Variants in RAD9B observed in about 807,000 individuals in gnomAD.
RAD9B encodes the protein cell cycle checkpoint control protein RAD9B.
In RAD9B, 41 loss-of-function variants were observed where a neutral mutation model predicts 48.3. That is an observed-to-expected ratio of 0.85 (90% CI 0.66 to 1.10). The LOEUF (loss-of-function observed/expected upper bound fraction) is 1.10, where lower values mean the gene tolerates loss of function less well. Ranked by LOEUF, RAD9B falls within the 50% of genes least tolerant of loss-of-function variation. RAD9B has a pLI of 0.00. For missense variants in RAD9B, 444 were observed against 485.1 expected, an observed-to-expected ratio of 0.92 and a Z score of 0.80; for synonymous variants, 160 against 157.9, an observed-to-expected ratio of 1.01 and a Z score of -0.10.
At position 110,506,690 on chromosome 12, in the gene RAD9B, C is replaced by T. The variant is rs556695998; in HGVS notation, c.385C>T (p.His129Tyr). The change falls in exon 4 of 11, where the codon CAT becomes TAT. Residue 129 changes from histidine to tyrosine, a missense_variant. Physicochemically the swap from His to Tyr is moderately conservative, Grantham distance 83 (BLOSUM62 2). Coordinates refer to ENST00000409300, the MANE Select transcript of RAD9B (RefSeq NM_001286535.2). ...AGTAGTTATTCAATTCTTCTACAGA[C>T]ATGGTAGGTATAATTAAAAGTGGTT... is the stretch of plus-strand genomic sequence containing the variant. ...CKVVIQFFYR[H>Y]GIKRTHNICF... 2.9e-5 allele frequency: 42 copies of T among 1,426,262 alleles called. No homozygotes were observed. In the South Asian group the frequency reaches 4.9e-4, roughly 17 times the overall value. The allele number at this position is 1,426,262 out of a possible 1,614,324, so 88.4% of individuals were successfully genotyped here.
chr12:110,525,218 C>T lies in RAD9B; in HGVS notation c.1125+2807C>T, dbSNP rs186381160. ...GTTGGCCAGGATGGTCTCGATCTCCCGACCTCAGGTGATCCACTCGCCTTG... is the reference window on the plus strand; with the variant it reads ...GTTGGCCAGGATGGTCTCGATCTCCTGACCTCAGGTGATCCACTCGCCTTG... On this transcript the variant is annotated intron_variant, in intron 10 of 10. Transcript: ENST00000409300. 1.4e-3 allele frequency among the ~76,000 whole-genome samples: 208 copies of T among 151,296 alleles called. 5 individuals carry two copies. The highest frequency in any genetic ancestry group is 0.011 in the Admixed American group (163 of 15,210).
intron 10 of RAD9B, among the ~76,000 whole-genome samples, chr12:110,526,918 A>G (rs1489856458): frequency 6.6e-6 from 1 of 151,594 alleles, no homozygotes; most frequent in African/African-American, 2.4e-5. Context: ...CAAAAAAAAA[A>G]AAAAAAGAAA....
chr12:110,532,006 C>G lies in RAD9B; in HGVS notation c.*1353C>G, dbSNP rs1473001826. The G allele has an allele frequency of 5.6e-6, 1 of 177,326 alleles. No homozygotes were observed. Among genetic ancestry groups the G allele is most frequent in the Non-Finnish European group, 1.2e-5 (1 of 85,198 alleles). 11.0% of individuals were successfully genotyped at this position (177,326 alleles called of 1,614,324 possible). Reference sequence around the variant, plus strand: ...CTGTGAATAGAGTTCTAACTGAAACCAGAATTAATTTGGCTCTTGTAGCTT... The same window carrying G: ...CTGTGAATAGAGTTCTAACTGAAACGAGAATTAATTTGGCTCTTGTAGCTT... On this transcript the variant is annotated 3_prime_UTR_variant, in exon 11 of 11. Transcript: ENST00000409300.
chr12:110,502,610 A>C, intron 1 of RAD9B: 2 of 566,276 alleles, frequency 3.5e-6, no homozygotes, highest in Non-Finnish European at 6.3e-6. Context: ...GTATCCGGGA[A>C]ATAGAGTTGT....
chr12:110,503,454 C>CTTCA (rs2135634853), intron 1 of RAD9B: 1 of 203,674 alleles, frequency 4.9e-6, no homozygotes, highest in Admixed American at 5.4e-5. Flanking sequence ...CTTCTCCATG[C>CTTCA]ACTGTTTTCA....
chr12:110,507,185 C>CTTATCTTATCT (rs2063302487), intron 4 of RAD9B, among the ~76,000 whole-genome samples: 1 of 151,890 alleles, frequency 6.6e-6, no homozygotes. Flanking sequence ...TCTTACCTGT[C>CTTATCTTATCT]ACTGTAGAAG....
At chr12:110,514,207 A>T in intron 5 of RAD9B, among the ~76,000 whole-genome samples, 1 of 152,182 alleles carries the variant, frequency 6.6e-6, no homozygotes, top group East Asian at 1.9e-4. Flanking sequence ...TGACATTTTG[A>T]TAGCAAGAAA....
intron 6 of RAD9B, 128 bp from the exon 7 acceptor site, chr12:110,518,548 T>C: frequency 1.8e-6 from 1 of 558,586 alleles, no homozygotes; most frequent in Non-Finnish European, 3.2e-6. Context: ...AGATATCAGG[T>C]GGGGAAGTTA....
chr12:110,502,734 G>GTT, intron 1 of RAD9B: 9 of 181,656 alleles, frequency 5.0e-5, no homozygotes, highest in East Asian at 4.1e-4. Flanking sequence ...CATTAACCTG[G>GTT]TTTTTTTTTT....
Position 110,512,891 on chromosome 12 carries a change from C to T in RAD9B, c.488+13C>T. ...TGATTCAACCAAGGTAATGAGTTCT[C>T]TGTTGTCAGTTTTTTTCACCTGAAT... On this transcript the variant is annotated intron_variant, in intron 5 of 10. Coordinates refer to ENST00000409300, the MANE Select transcript of RAD9B (RefSeq NM_001286535.2). The T allele has an allele frequency of 7.4e-7, 1 of 1,346,360 alleles. No individual in the cohort carries two copies. The highest frequency in any genetic ancestry group is 1.1e-6 in the Non-Finnish European group (1 of 947,150). The allele number at this position is 1,346,360 out of a possible 1,614,324, so 83.4% of individuals were successfully genotyped here.
At chr12:110,519,486 A>C (rs1467230865) in intron 8 of RAD9B, among the ~76,000 whole-genome samples, 2 of 151,840 alleles carry the variant, frequency 1.3e-5, no homozygotes, top group Non-Finnish European at 2.9e-5. Context: ...GCTGGAGTGC[A>C]ATGGTGCAAT....
At position 110,508,329 on chromosome 12, in the gene RAD9B, T is replaced by G. The variant is rs577073093; in HGVS notation, c.388+1636T>G. ...GTACCTGCCCCAGGGGGAGTACTTG[T>G]TAGTGATTGCTGTTACTATAATTAT... On this transcript the variant is annotated intron_variant, in intron 4 of 10. Coordinates refer to ENST00000409300, the MANE Select transcript of RAD9B (RefSeq NM_001286535.2). Among the ~76,000 whole-genome samples, 84 of 152,310 alleles carry G rather than the reference T, an allele frequency of 5.5e-4. 1 individual carries two copies. The highest frequency in any genetic ancestry group is 9.0e-4 in the Non-Finnish European group (61 of 68,026).
intron 6 of RAD9B, 34 bp downstream of exon 6, chr12:110,515,190 G>A (rs575979237): frequency 7.5e-5 from 81 of 1,084,808 alleles, no homozygotes; most frequent in Middle Eastern, 4.0e-4. Flanking sequence ...GTTTTGATGG[G>A]TTATTACTTC....
At chr12:110,511,885 T>C (rs1212814735) in intron 4 of RAD9B, among the ~76,000 whole-genome samples, 1 of 152,070 alleles carries the variant, frequency 6.6e-6, no homozygotes, top group Non-Finnish European at 1.5e-5. Context: ...TCTCGCTCTG[T>C]TGTCAGGCTG....
Position 110,503,896 on chromosome 12 carries a change from G to T in RAD9B, c.117+20G>T. On this transcript the variant is annotated intron_variant, in intron 2 of 10. Coordinates refer to ENST00000409300, the MANE Select transcript of RAD9B (RefSeq NM_001286535.2). ...AAAGGTGTAAGTAAGAAAGTTAACA[G>T]ATCACGTATCAAGGCAAGAGGAGAT... The T allele has an allele frequency of 6.8e-7, 1 of 1,468,870 alleles. No homozygotes were observed. Among genetic ancestry groups the T allele is most frequent in the South Asian group, 1.3e-5 (1 of 76,432 alleles). 91.0% of individuals were successfully genotyped at this position (1,468,870 alleles called of 1,614,324 possible). A position where few individuals can be genotyped will look rare whatever the true frequency, so the allele number is the denominator to read the frequency against.
At chr12:110,519,143 G>A (rs947540024) in intron 8 of RAD9B, among the ~76,000 whole-genome samples, 1 of 152,008 alleles carries the variant, frequency 6.6e-6, no homozygotes, top group Admixed American at 6.6e-5. Flanking sequence ...TCACTCTGTC[G>A]CCCAGGCTGG....
At chr12:110,505,112 A>C (rs530337086) in intron 2 of RAD9B, among the ~76,000 whole-genome samples, 1 of 152,194 alleles carries the variant, frequency 6.6e-6, no homozygotes. Context: ...TATTCAATAT[A>C]ATATACATAT....
At position 110,506,713 on chromosome 12, in the gene RAD9B, G is replaced by T; in HGVS notation, c.388+20G>T. 3 of 1,175,484 alleles carry T rather than the reference G, an allele frequency of 2.6e-6. No individual in the cohort carries two copies. The highest frequency in any genetic ancestry group is 3.8e-6 in the Non-Finnish European group (3 of 796,322). 72.8% of individuals were successfully genotyped at this position (1,175,484 alleles called of 1,614,324 possible). On this transcript the variant is annotated intron_variant, in intron 4 of 10. Transcript: ENST00000409300. ...GACATGGTAGGTATAATTAAAAGTG[G>T]TTTAAAATACTATGTTTTTTTCTCA...
chr12:110,528,947 C>T (rs977973218), intron 10 of RAD9B, among the ~76,000 whole-genome samples: 24 of 152,034 alleles, frequency 1.6e-4, no homozygotes, highest in African/African-American at 4.1e-4. Flanking sequence ...AGGCTGGTCT[C>T]GAACTCCTGA....
Sources: allele counts gnomAD v4.1 joint callset (sites outside exome capture counted in the v4.1 genomes callset), GRCh38; gene constraint gnomAD v4.1.1; transcripts MANE v1.5; gene names NCBI Gene and HGNC (gene_info 2026-07-23, HGNC 2026-07-21).